ROBO2: variants seen among roughly 807,000 people sequenced by gnomAD.
ROBO2 encodes roundabout homolog 2.
In ROBO2, 53 loss-of-function variants were observed where a neutral mutation model predicts 160.8. The ratio of observed to expected loss-of-function variants is 0.33; its 90% CI spans 0.26 to 0.41. The LOEUF (loss-of-function observed/expected upper bound fraction) is 0.41. Ranked by LOEUF, ROBO2 falls within the 10% of genes least tolerant of loss-of-function variation. The probability of loss-of-function intolerance (pLI) is 1.00; values close to 1 mark genes in which losing one functional copy is unlikely to be tolerated. For synonymous variants in ROBO2, 664 were observed against 611.7 expected (o/e 1.09, Z -1.26); for missense variants, 1,577 against 1,722.4 (o/e 0.92, Z 1.49).
intron 8 of ROBO2, among the ~76,000 whole-genome samples, chr3:77,555,012 A>T (rs1485279031): frequency 6.6e-6 from 1 of 151,952 alleles, no homozygotes; most frequent in Admixed American, 6.6e-5. Context: ...TATTTTAAGA[A>T]ATTGGCACAG....
chr3:77,296,456 C>G (rs777137863), intron 2 of ROBO2, among the ~76,000 whole-genome samples: 2 of 152,246 alleles, frequency 1.3e-5, no homozygotes, highest in Non-Finnish European at 2.9e-5. Flanking sequence ...CGAAGTCACA[C>G]ACTGCTGCAC....
chr3:76,258,763 A>T (rs1229311315), intron 2 of ROBO2, among the ~76,000 whole-genome samples: 1 of 152,080 alleles, frequency 6.6e-6, no homozygotes, highest in East Asian at 1.9e-4. Flanking sequence ...AACTGAATAT[A>T]GTCTCAAAAA....
At chr3:77,022,755 T>C (rs1359430776) in intron 2 of ROBO2, among the ~76,000 whole-genome samples, 1 of 152,220 alleles carries the variant, frequency 6.6e-6, no homozygotes, top group African/African-American at 2.4e-5. Context: ...TAAAATGACA[T>C]GAGAATTAAC....
chr3:77,510,691 A>G (rs974135112), intron 5 of ROBO2, among the ~76,000 whole-genome samples: 1 of 152,086 alleles, frequency 6.6e-6, no homozygotes, highest in Non-Finnish European at 1.5e-5. Flanking sequence ...AAGGAAGAAG[A>G]AATTCTAAAT....
rs2081143133 is a variant in ROBO2 at position 76,512,370 on chromosome 3, A to G, written c.109+574768A>G. ...TTTAACTCTTTAATCAAAACACAGC[A>G]TCACACATAGAGACTGAAAGCCTGC... On this transcript the variant is annotated intron_variant, in intron 2 of 26. Coordinates refer to the ROBO2 transcript ENST00000487694. Among the ~76,000 whole-genome samples the G allele has an allele frequency of 2.0e-5, 3 of 151,292 alleles. No individual in the cohort carries two copies. In the South Asian group the frequency reaches 6.2e-4, roughly 31 times the overall value.
intron 5 of ROBO2, among the ~76,000 whole-genome samples, chr3:77,517,883 G>A (rs777545282): frequency 8.6e-5 from 13 of 151,316 alleles, no homozygotes; most frequent in Non-Finnish European, 1.3e-4. Flanking sequence ...TGACTGTCTC[G>A]TGTAGTGTAT....
chr3:77,258,003 CTTACA>C (rs1258433600), intron 2 of ROBO2, among the ~76,000 whole-genome samples: 2 of 152,142 alleles, frequency 1.3e-5, no homozygotes, highest in African/African-American at 4.8e-5. Context: ...GGAAAAATAA[CTTACA>C]TTAAACTCTG....
chr3:77,237,183 C>CTTTTTTTTTTTTTTTTTTCT (rs2088138238), intron 2 of ROBO2, among the ~76,000 whole-genome samples: 1 of 107,116 alleles, frequency 9.3e-6, no homozygotes, highest in Non-Finnish European at 1.8e-5. Flanking sequence ...CTTGACCTTT[C>CTTTTTTTTTTTTTTTTTTCT]TTTTTTTTTT....
At chr3:76,834,061 CT>C (rs778939011) in intron 2 of ROBO2, among the ~76,000 whole-genome samples, 22 of 34,844 alleles carry the variant, frequency 6.3e-4, no homozygotes, top group African/African-American at 1.7e-3. Context: ...TCCTTTCTTT[CT>C]TTTCTTTCTT....
chr3:77,562,221 A>ACATAGTTTAT (rs1390162585), intron 9 of ROBO2, among the ~76,000 whole-genome samples: 1 of 152,166 alleles, frequency 6.6e-6, no homozygotes, highest in Non-Finnish European at 1.5e-5. Flanking sequence ...ATTCATTGAA[A>ACATAGTTTAT]CATAGTTTAT....
intron 9 of ROBO2, among the ~76,000 whole-genome samples, chr3:77,558,898 G>A (rs890233121): frequency 1.1e-4 from 17 of 152,092 alleles, no homozygotes; most frequent in African/African-American, 3.6e-4. Context: ...AGGCATGACT[G>A]AGCTGTGTCT....
At chr3:77,102,975 G>A (rs901670843) in intron 2 of ROBO2, among the ~76,000 whole-genome samples, 3 of 152,108 alleles carry the variant, frequency 2.0e-5, no homozygotes, top group Non-Finnish European at 4.4e-5. Context: ...ATAAGCAAGA[G>A]GCCTGGTAGT....
chr3:77,543,369 G>C (rs751644648), intron 6 of ROBO2, among the ~76,000 whole-genome samples: 2 of 152,052 alleles, frequency 1.3e-5, no homozygotes, highest in African/African-American at 4.8e-5. Context: ...ATCATTTTTC[G>C]TCAATCAGTA....
chr3:77,601,103 G>A (rs183683674), intron 19 of ROBO2, among the ~76,000 whole-genome samples: 68 of 152,182 alleles, frequency 4.5e-4, no homozygotes, highest in African/African-American at 1.6e-3. Context: ...TTTAGCTTAT[G>A]TAAAATTCAA....
At chr3:77,201,237 T>C (rs964769163) in intron 2 of ROBO2, among the ~76,000 whole-genome samples, 4 of 152,176 alleles carry the variant, frequency 2.6e-5, no homozygotes, top group Admixed American at 1.3e-4. Flanking sequence ...AACCCAGAAC[T>C]TTCTAGATTT....
At chr3:77,342,242 T>C (rs2067143824) in intron 2 of ROBO2, among the ~76,000 whole-genome samples, 1 of 152,164 alleles carries the variant, frequency 6.6e-6, no homozygotes, top group South Asian at 2.1e-4. Context: ...TTAGGTTTTA[T>C]GTTGTACATA....
At chr3:76,082,877 T>G (rs2068879852) in intron 2 of ROBO2, among the ~76,000 whole-genome samples, 1 of 152,116 alleles carries the variant, frequency 6.6e-6, no homozygotes, top group South Asian at 2.1e-4. Context: ...ATGATTTTTT[T>G]TCAAAATGTG....
At chr3:77,072,291 TATTTC>T (rs1163002218) in intron 1 of ROBO2, among the ~76,000 whole-genome samples, 3 of 152,154 alleles carry the variant, frequency 2.0e-5, no homozygotes, top group African/African-American at 7.2e-5. Context: ...GTTGTATACT[TATTTC>T]ATTATATATT....
intron 2 of ROBO2, among the ~76,000 whole-genome samples, chr3:77,104,522 G>C (rs942792099): frequency 6.6e-6 from 1 of 151,938 alleles, no homozygotes; most frequent in African/African-American, 2.4e-5. Flanking sequence ...GAACAATGTT[G>C]CTATGGAAAT....
Sources: allele counts gnomAD v4.1 joint callset (sites outside exome capture counted in the v4.1 genomes callset), GRCh38; gene constraint gnomAD v4.1.1; transcripts MANE v1.5; gene names NCBI Gene and HGNC (gene_info 2026-07-23, HGNC 2026-07-21).